The following FARS2 variants were observed in gnomAD, a reference collection of about 807,000 sequenced individuals.
The protein encoded by FARS2 is phenylalanyl-tRNA synthetase 2, mitochondrial, also known as phenylalanine--tRNA ligase, mitochondrial.
Under a neutral mutation model 46.4 loss-of-function variants are expected in FARS2, and 40 were observed. That is an observed-to-expected ratio of 0.86 (90% CI 0.67 to 1.12). The LOEUF (loss-of-function observed/expected upper bound fraction) is 1.12, where lower values mean the gene tolerates loss of function less well. Among genes scored for constraint, FARS2 ranks in the 50% most tolerant of loss-of-function variants. The pLI is 0.00. For synonymous variants in FARS2, 234 were observed against 214.9 expected (o/e 1.09, Z -0.78); for missense variants, 513 against 567.9 (o/e 0.90, Z 0.98).
chr6:5,256,844 T>G (rs1214479437), upstream of FARS2, among the ~76,000 whole-genome samples: 1 of 152,186 alleles, frequency 6.6e-6, no homozygotes, highest in East Asian at 1.9e-4. Context: ...GGTGCAAGTT[T>G]AAATTCACCC....
chr6:5,595,745 A>G (rs1475230648), intron 5 of FARS2, among the ~76,000 whole-genome samples: 1 of 152,130 alleles, frequency 6.6e-6, no homozygotes. Flanking sequence ...GTAAACATGT[A>G]TATGTTTACG....
At chr6:5,312,671 C>T (rs953349839) in intron 1 of FARS2, among the ~76,000 whole-genome samples, 1 of 152,158 alleles carries the variant, frequency 6.6e-6, no homozygotes, top group Non-Finnish European at 1.5e-5. Context: ...TAAAGAAATG[C>T]CTCTCAGATT....
chr6:5,667,483 A>AC (rs1778200092), intron 6 of FARS2, among the ~76,000 whole-genome samples: 1 of 151,722 alleles, frequency 6.6e-6, no homozygotes, highest in Non-Finnish European at 1.5e-5. Context: ...ACGCCACTGC[A>AC]CTCCAGCCTG....
intron 2 of FARS2, among the ~76,000 whole-genome samples, chr6:5,397,533 C>G (rs187440926): frequency 6.6e-6 from 1 of 152,198 alleles, no homozygotes; most frequent in African/African-American, 2.4e-5. Context: ...GGAGGCTGTG[C>G]ATGTGTGGAG....
chr6:5,656,178 A>T (rs556330451), intron 6 of FARS2, among the ~76,000 whole-genome samples: 1 of 152,332 alleles, frequency 6.6e-6, no homozygotes, highest in African/African-American at 2.4e-5. Flanking sequence ...TGCTGTTGCC[A>T]TCATCTTTGT....
intron 5 of FARS2, among the ~76,000 whole-genome samples, chr6:5,575,035 T>C (rs989002634): frequency 6.6e-6 from 1 of 152,230 alleles, no homozygotes; most frequent in Non-Finnish European, 1.5e-5. Flanking sequence ...TGTTGTTGGT[T>C]CATTAACATT....
rs577154893 is a variant in FARS2, at chr6:5,721,505, A to G, written c.1218-49786A>G. Among the ~76,000 whole-genome samples, 12 of 137,230 alleles carry G rather than the reference A, an allele frequency of 8.7e-5. No homozygotes were observed. In the East Asian group the frequency reaches 3.7e-3, roughly 43 times the overall value. The allele number at this position is 137,230 out of a possible 152,430, so 90.0% of individuals were successfully genotyped here. The stretch of plus-strand genomic sequence containing the variant: ...TTGAAATCGATTAGTCTATCTTGCA[A>G]TTTTGAATGGATCATTCACTCTTTC... On this transcript the variant is annotated intron_variant, in intron 6 of 6. Coordinates refer to ENST00000274680, the MANE Select transcript of FARS2 (RefSeq NM_006567.5).
At chr6:5,756,413 G>C (rs1344204411) in intron 6 of FARS2, among the ~76,000 whole-genome samples, 1 of 152,216 alleles carries the variant, frequency 6.6e-6, no homozygotes, top group Admixed American at 6.5e-5. Context: ...TCTGCAGGCT[G>C]TACAGGAAGC....
Position 5,562,236 on chromosome 6 carries a change from A to G in FARS2, c.1065+16896A>G, listed in dbSNP as rs370808536. Among the ~76,000 whole-genome samples the G allele has an allele frequency of 2.4e-4, 36 of 152,100 alleles. No individual in the cohort carries two copies. The South Asian group carries it at 6.4e-3, about 27-fold the overall frequency. ...TTTCCCCCCATTTTTGATTATCACCACTTGTCCATCTTGTCTACCAACTTT... is the reference window on the plus strand; with the variant it reads ...TTTCCCCCCATTTTTGATTATCACCGCTTGTCCATCTTGTCTACCAACTTT... On this transcript the variant is annotated intron_variant, in intron 5 of 6. Coordinates refer to ENST00000274680, the MANE Select transcript of FARS2 (RefSeq NM_006567.5).
chr6:5,674,082 G>A (rs1410831695), intron 6 of FARS2, among the ~76,000 whole-genome samples: 1 of 150,258 alleles, frequency 6.7e-6, no homozygotes, highest in Non-Finnish European at 1.5e-5. Flanking sequence ...TCCAGCCAAA[G>A]GTTTATGTAT....
chr6:5,668,779 C>T (rs371470552), intron 6 of FARS2, among the ~76,000 whole-genome samples: 4 of 144,002 alleles, frequency 2.8e-5, no homozygotes, highest in East Asian at 4.2e-4. Flanking sequence ...CTGCAACCTT[C>T]GCCTTCTGTG....
chr6:5,346,911 G>GT (rs35923995), intron 1 of FARS2, among the ~76,000 whole-genome samples: 2,306 of 145,118 alleles, frequency 0.016, 28 homozygotes, highest in African/African-American at 0.039. Flanking sequence ...CATTCATTAG[G>GT]TTTTTTTTTT....
intron 6 of FARS2, among the ~76,000 whole-genome samples, chr6:5,706,150 G>A (rs529169410): frequency 8.3e-4 from 127 of 152,186 alleles, no homozygotes; most frequent in African/African-American, 3.0e-3. Flanking sequence ...TAGATCCCTC[G>A]CCTGCGCAGT....
At chr6:5,390,189 A>T (rs1230106551) in intron 2 of FARS2, among the ~76,000 whole-genome samples, 3 of 152,100 alleles carry the variant, frequency 2.0e-5, no homozygotes, top group African/African-American at 7.2e-5. Flanking sequence ...TTGTTCCAGT[A>T]CTTACCTTGC....
intron 6 of FARS2, among the ~76,000 whole-genome samples, chr6:5,753,629 T>G (rs1182830126): frequency 6.6e-6 from 1 of 152,198 alleles, no homozygotes; most frequent in Non-Finnish European, 1.5e-5. Flanking sequence ...TCCTATCTGT[T>G]GAAAAGGGAA....
intron 3 of FARS2, among the ~76,000 whole-genome samples, chr6:5,417,679 C>T (rs774090147): frequency 2.0e-5 from 3 of 152,144 alleles, no homozygotes; most frequent in African/African-American, 2.4e-5. Flanking sequence ...TTCTTTGTCA[C>T]TGGTTTTAAG....
chr6:5,679,247 T>C (rs773097771), intron 6 of FARS2, among the ~76,000 whole-genome samples: 8 of 152,148 alleles, frequency 5.3e-5, no homozygotes, highest in African/African-American at 7.2e-5. Context: ...ACCCTCTATA[T>C]CCTGAGAGAC....
At chr6:5,422,009 A>C (rs9392682) in intron 3 of FARS2, among the ~76,000 whole-genome samples, 73,423 of 151,986 alleles carry the variant, frequency 0.48, 17,972 homozygotes, top group Non-Finnish European at 0.52. Flanking sequence ...TTGTTTTCAC[A>C]CTGGTGATAA....
chr6:5,268,867 C>T (rs889888742), intron 1 of FARS2, among the ~76,000 whole-genome samples: 2 of 152,158 alleles, frequency 1.3e-5, no homozygotes, highest in African/African-American at 4.8e-5. Context: ...TTTGTGTCCT[C>T]TTTTATTTCA....
Sources: gnomAD v4.1 joint callset for allele counts (sites outside exome capture counted in the v4.1 genomes callset) on GRCh38, gnomAD v4.1.1 for gene constraint, MANE v1.5 for transcripts, NCBI Gene and HGNC (gene_info 2026-07-23, HGNC 2026-07-21) for gene names.